The following HLCS variants were observed in gnomAD, a reference collection of about 807,000 sequenced individuals.
The protein encoded by HLCS is holocarboxylase synthetase.
A neutral mutation model predicts 75.0 loss-of-function variants in HLCS; 53 were observed. That is an observed-to-expected ratio of 0.71 (90% CI 0.57 to 0.89). The LOEUF is 0.89. Among genes scored for constraint, HLCS ranks in the 40% least tolerant of loss-of-function variants. The pLI, the probability that HLCS is intolerant of heterozygous loss-of-function variation, is 0.00. For missense variants in HLCS, 966 were observed against 1,074.0 expected, an observed-to-expected ratio of 0.90 and a Z score of 1.41; for synonymous variants, 431 against 428.6, an observed-to-expected ratio of 1.01 and a Z score of -0.07.
Position 36,897,841 on chromosome 21 carries a change from C to A in HLCS, c.1621-710G>T, listed in dbSNP as rs374022376. Among the ~76,000 whole-genome samples, 5 of 152,290 alleles carry A rather than the reference C, an allele frequency of 3.3e-5. 1 individual carries two copies. In the East Asian group the frequency reaches 5.8e-4, roughly 18 times the overall value. On this transcript the variant is annotated intron_variant, in intron 5 of 10. Transcript: ENST00000674895. ...ACCACAAGGCTGGAGGAGGTTCCCC[C>A]ACGCCAGACCTTAGAGGTCCCAGAG...
At chr21:36,947,609 G>A in intron 2 of HLCS, 1 of 985,460 alleles carries the variant, frequency 1.0e-6, no homozygotes, top group Non-Finnish European at 1.2e-6. Flanking sequence ...AAACAAAGGA[G>A]TTTCCTCCTA....
intron 6 of HLCS, among the ~76,000 whole-genome samples, chr21:36,832,033 A>G (rs910710475): frequency 2.6e-5 from 4 of 151,972 alleles, no homozygotes; most frequent in African/African-American, 9.7e-5. Flanking sequence ...GTGGAAGGGG[A>G]AAAAAAATCC....
chr21:36,845,075 A>AT (rs201794028), intron 6 of HLCS, among the ~76,000 whole-genome samples: 2,070 of 151,556 alleles, frequency 0.014, 38 homozygotes, highest in African/African-American at 0.047. Flanking sequence ...TACAACCACA[A>AT]TTTTTTTTTA....
At chr21:36,933,217 C>T (rs550666429) in intron 4 of HLCS, among the ~76,000 whole-genome samples, 1 of 152,292 alleles carries the variant, frequency 6.6e-6, no homozygotes, top group Admixed American at 6.5e-5. Flanking sequence ...GCTGCTTCCT[C>T]CAAGACTGAG....
chr21:36,801,770 T>A (rs770482778), intron 6 of HLCS, among the ~76,000 whole-genome samples: 7 of 151,758 alleles, frequency 4.6e-5, no homozygotes, highest in Non-Finnish European at 1.0e-4. Context: ...TGCAAACAGA[T>A]TGATTTCCTT....
intron 6 of HLCS, among the ~76,000 whole-genome samples, chr21:36,773,533 G>A (rs570053286): frequency 5.4e-4 from 83 of 152,358 alleles, no homozygotes; most frequent in Non-Finnish European, 1.0e-3. Context: ...AGGCGACCTC[G>A]AAGTCTCCCT....
At chr21:36,945,450 T>C (rs74449038) in intron 2 of HLCS, among the ~76,000 whole-genome samples, 6,202 of 152,252 alleles carry the variant, frequency 0.041, 277 homozygotes, top group African/African-American at 0.12. Flanking sequence ...TATATAGCTA[T>C]ACAGAGGACT....
intron 6 of HLCS, among the ~76,000 whole-genome samples, chr21:36,875,844 G>C (rs978540036): frequency 3.9e-5 from 6 of 152,062 alleles, no homozygotes; most frequent in Non-Finnish European, 5.9e-5. Context: ...GGAGAGAAGA[G>C]AGGCAGCTCT....
At chr21:36,962,548 G>A (rs2146669652) in intron 1 of HLCS, among the ~76,000 whole-genome samples, 1 of 152,142 alleles carries the variant, frequency 6.6e-6, no homozygotes, top group African/African-American at 2.4e-5. Context: ...AGCACTTTGG[G>A]AGGCCAAGGT....
chr21:36,760,398 C>A (rs2089785537), intron 8 of HLCS, among the ~76,000 whole-genome samples: 1 of 152,112 alleles, frequency 6.6e-6, no homozygotes, highest in Admixed American at 6.5e-5. Flanking sequence ...ATCACAAGGT[C>A]AGGAGTTCGA....
intron 5 of HLCS, among the ~76,000 whole-genome samples, chr21:36,906,638 CT>C: frequency 6.8e-6 from 1 of 147,870 alleles, no homozygotes; most frequent in Admixed American, 6.7e-5. Flanking sequence ...TCAAATTAAT[CT>C]ATGGGTTCAA....
chr21:36,935,094 G>C (rs1242676304), intron 4 of HLCS, among the ~76,000 whole-genome samples: 2 of 152,208 alleles, frequency 1.3e-5, no homozygotes, highest in African/African-American at 2.4e-5. Flanking sequence ...TCTAGTACAA[G>C]TCTGTGCTCA....
intron 6 of HLCS, among the ~76,000 whole-genome samples, chr21:36,864,219 G>A (rs576261431): frequency 6.6e-6 from 1 of 152,084 alleles, no homozygotes; most frequent in African/African-American, 2.4e-5. Context: ...GGCCAACATG[G>A]TGAAACCTTG....
rs556202366 is a variant in HLCS, at chr21:36,884,963, A to G, written c.1892+11897T>C. 5.3e-5 allele frequency among the ~76,000 whole-genome samples: 8 copies of G among 152,312 alleles called. No homozygotes were observed. In the East Asian group the frequency reaches 1.5e-3, roughly 29 times the overall value. ...CCACTGCAGATTTGGCTCTTTTGAAATGACTGTGAATTACCTGTGAAAATG... is the reference window on the plus strand; with the variant it reads ...CCACTGCAGATTTGGCTCTTTTGAAGTGACTGTGAATTACCTGTGAAAATG... On this transcript the variant is annotated intron_variant, in intron 6 of 10. Transcript: ENST00000674895.
chr21:36,951,357 T>G (rs2067662157), intron 2 of HLCS, among the ~76,000 whole-genome samples: 2 of 152,212 alleles, frequency 1.3e-5, no homozygotes, highest in African/African-American at 2.4e-5. Context: ...GCAAATGCTT[T>G]CTGTGCATCT....
intron 5 of HLCS, among the ~76,000 whole-genome samples, chr21:36,923,560 C>T (rs765071961): frequency 5.3e-5 from 8 of 152,296 alleles, no homozygotes; most frequent in Admixed American, 2.6e-4. Flanking sequence ...ACTAATTAAA[C>T]GTGGAAAACA....
rs115057580 is a variant in HLCS at position 36,761,051 on chromosome 21, C to T, written c.2122-1210G>A. Among the ~76,000 whole-genome samples the T allele has an allele frequency of 1.4e-3, 216 of 152,314 alleles. 1 individual carries two copies. The highest frequency in any genetic ancestry group is 5.1e-3 in the African/African-American group (210 of 41,568). Reference sequence around the variant, plus strand: ...AGTAGCTGATGGCCTCCAAGGGCCACGGGGCTGGTCTTCCCACGTTGCAGG... The same window carrying T: ...AGTAGCTGATGGCCTCCAAGGGCCATGGGGCTGGTCTTCCCACGTTGCAGG... On this transcript the variant is annotated intron_variant, in intron 8 of 10. Transcript: ENST00000674895.
intron 6 of HLCS, among the ~76,000 whole-genome samples, chr21:36,781,379 G>T (rs541208155): frequency 6.6e-6 from 1 of 152,158 alleles, no homozygotes; most frequent in African/African-American, 2.4e-5. Context: ...ATGAGCAAAG[G>T]ATGACTTACA....
chr21:36,790,928 T>C (rs530937943), intron 6 of HLCS, among the ~76,000 whole-genome samples: 1 of 152,326 alleles, frequency 6.6e-6, no homozygotes, highest in South Asian at 2.1e-4. Flanking sequence ...TCCATCTGTG[T>C]TGATTTGGCA....
Sources: gnomAD v4.1 joint callset for allele counts (sites outside exome capture counted in the v4.1 genomes callset) on GRCh38, gnomAD v4.1.1 for gene constraint, MANE v1.5 for transcripts, NCBI Gene and HGNC (gene_info 2026-07-23, HGNC 2026-07-21) for gene names.